Variants in LGR6 observed in about 807,000 individuals in gnomAD.
The protein encoded by LGR6 is leucine rich repeat containing G protein-coupled receptor 6, also known as leucine-rich repeat-containing G protein-coupled receptor 6.
In LGR6, 45 loss-of-function variants were observed where a neutral mutation model predicts 69.4. That is an observed-to-expected ratio of 0.65 (90% CI 0.51 to 0.83). The LOEUF is 0.83. Among genes scored for constraint, LGR6 ranks in the 40% least tolerant of loss-of-function variants. The pLI, the probability that LGR6 is intolerant of heterozygous loss-of-function variation, is 0.00. For synonymous variants in LGR6, 538 were observed against 555.0 expected, an observed-to-expected ratio of 0.97 and a Z score of 0.43; for missense variants, 1,108 against 1,246.7, an observed-to-expected ratio of 0.89 and a Z score of 1.68.
At chr1:202,255,467 G>A (rs1168992015) in intron 4 of LGR6, among the ~76,000 whole-genome samples, 1 of 152,162 alleles carries the variant, frequency 6.6e-6, no homozygotes, top group Non-Finnish European at 1.5e-5. Flanking sequence ...TCCACTGCCT[G>A]CTCCTCGTCT....
At position 202,318,668 on chromosome 1, in the gene LGR6, G is replaced by C. The variant is rs199906695; in HGVS notation, c.2365G>C (p.Val789Leu). The change falls in exon 18 of 18, where the codon GTG (valine) becomes CTG (leucine). Residue 789 changes from valine (V) to leucine (L), a missense_variant. Val to Leu is a conservative substitution (Grantham distance 32). Transcript: ENST00000367278. Reference sequence around the variant, plus strand: ...CGCAGACGGGCTCCTCTACTGTCCCGTGGCCTTCCTCAGCTTTGCCTCCAT... The same window carrying C: ...CGCAGACGGGCTCCTCTACTGTCCCCTGGCCTTCCTCAGCTTTGCCTCCAT... Reference protein sequence around the residue: ...IFADGLLYCPVAFLSFASMLG... With the variant: ...IFADGLLYCPLAFLSFASMLG... 1.2e-6 allele frequency: 2 copies of C among 1,613,594 alleles called. No individual in the cohort carries two copies. The highest frequency in any genetic ancestry group is 2.7e-5 in the African/African-American group (2 of 74,910).
At chr1:202,251,954 G>A (rs1441152324) in intron 4 of LGR6, among the ~76,000 whole-genome samples, 1 of 151,984 alleles carries the variant, frequency 6.6e-6, no homozygotes. Context: ...GAGATTGGAG[G>A]CAAACAAATA....
chr1:202,224,654 A>C lies in LGR6; in HGVS notation c.213-769A>C, dbSNP rs868695748. ...GGAGCATGCAACCTAGACCCCTCGC[A>C]TGCGCAGTTCACAGTAGGGTTCACA... On this transcript the variant is annotated intron_variant, in intron 1 of 17. Transcript: ENST00000367278. Among the ~76,000 whole-genome samples, 104 of 152,206 alleles carry C rather than the reference A, an allele frequency of 6.8e-4. 1 individual carries two copies. The highest frequency in any genetic ancestry group is 2.3e-3 in the African/African-American group (96 of 41,440).
In LGR6 at chr1:202,268,217, C is replaced by T. The variant is rs1377326362; in HGVS notation, c.429-8089C>T. Among the ~76,000 whole-genome samples the T allele has an allele frequency of 2.0e-5, 3 of 152,216 alleles. No individual in the cohort carries two copies. The highest frequency in any genetic ancestry group is 2.9e-5 in the Non-Finnish European group (2 of 68,030). ...ACAACCCCATTGGAGCCCCGTGGCC[C>T]TCCGTGCAGAAGCTGGCACCTGGCA... is the stretch of plus-strand genomic sequence containing the variant. On this transcript the variant is annotated intron_variant, in intron 4 of 17. Coordinates refer to ENST00000367278, the MANE Select transcript of LGR6 (RefSeq NM_001017403.2). The surrounding 1 kb of genome is among the most constrained non-coding windows in gnomAD (Gnocchi z 4.4).
chr1:202,252,351 G>GC (rs1174346831), intron 4 of LGR6, among the ~76,000 whole-genome samples: 2 of 152,098 alleles, frequency 1.3e-5, no homozygotes, highest in Non-Finnish European at 2.9e-5. Context: ...CCTCCAGGAA[G>GC]CCCCCCTAGA....
chr1:202,246,183 A>C (rs1353246683), intron 4 of LGR6, among the ~76,000 whole-genome samples: 3 of 11,348 alleles, frequency 2.6e-4, no homozygotes, highest in Admixed American at 1.1e-3. Context: ...CCATCCCTCC[A>C]CCCATCCATC....
intron 6 of LGR6, among the ~76,000 whole-genome samples, chr1:202,295,608 A>C (rs1023878475): frequency 6.6e-6 from 1 of 152,198 alleles, no homozygotes; most frequent in Non-Finnish European, 1.5e-5. Context: ...GGAACTCCAC[A>C]GTTTGAAAAT....
At chr1:202,293,306 C>T (rs1356283720) in intron 6 of LGR6, among the ~76,000 whole-genome samples, 1 of 152,224 alleles carries the variant, frequency 6.6e-6, no homozygotes, top group African/African-American at 2.4e-5. Flanking sequence ...CATGCTCTCT[C>T]TTCTTGATCC....
In LGR6 at chr1:202,318,241, C is replaced by T. The variant is rs116291971; in HGVS notation, c.1938C>T (p.Gly646=). The stretch of plus-strand genomic sequence containing the variant: ...CGGGGCTAGGCTGCCGGGCCACTGG[C>T]TTCCTGGCAGTACTTGGGTCGGAGG... ...WETGLGCRAT[G]FLAVLGSEAS... The change falls in exon 18 of 18, where the codon GGC becomes GGT. Residue 646 remains glycine (G), a synonymous_variant. Coordinates refer to ENST00000367278, the MANE Select transcript of LGR6 (RefSeq NM_001017403.2). The T allele has an allele frequency of 2.3e-4, 370 of 1,611,720 alleles. 1 individual carries two copies. The African/African-American group carries it at 3.8e-3, about 16-fold the overall frequency.
At position 202,318,827 on chromosome 1, in the gene LGR6, C is replaced by T. The variant is rs561588028; in HGVS notation, c.2524C>T (p.Arg842Trp). The change falls in exon 18 of 18, where the codon CGG becomes TGG. Residue 842 changes from arginine to tryptophan, a missense_variant. Arg to Trp is a moderately radical substitution (Grantham distance 101). Transcript: ENST00000367278. ...CTTCCGGGATGACCTTCGGCGGCTTCGGCCCCGCGCAGGGGACTCAGGGCC... is the reference window on the plus strand; with the variant it reads ...CTTCCGGGATGACCTTCGGCGGCTTTGGCCCCGCGCAGGGGACTCAGGGCC... ...PHFRDDLRRLRPRAGDSGPLA... is the reference protein window; with the variant it reads ...PHFRDDLRRLWPRAGDSGPLA... 738 of 1,613,102 alleles carry T rather than the reference C, an allele frequency of 4.6e-4. 11 individuals carry two copies. The South Asian group carries it at 7.1e-3, about 15-fold the overall frequency.
chr1:202,193,923 C>T lies in LGR6; in HGVS notation c.-67C>T. ...GCAGCCCGCCGGGACCGGGAGGAAG[C>T]AGCTGCGGCCATCGCGCCGTGCGTC... is the stretch of plus-strand genomic sequence containing the variant. On this transcript the variant is annotated 5_prime_UTR_variant, in exon 1 of 18. Transcript: ENST00000367278. 1.9e-6 allele frequency: 2 copies of T among 1,037,226 alleles called. No homozygotes were observed. Among genetic ancestry groups the T allele is most frequent in the South Asian group, 2.6e-5 (1 of 38,382 alleles). The allele number at this position is 1,037,226 out of a possible 1,614,324, so 64.3% of individuals were successfully genotyped here.
At chr1:202,288,188 C>T (rs1558064660) in intron 6 of LGR6, among the ~76,000 whole-genome samples, 3 of 152,188 alleles carry the variant, frequency 2.0e-5, no homozygotes, top group African/African-American at 7.2e-5. Flanking sequence ...CCATTATCCA[C>T]ATGGTTTACT....
At chr1:202,207,581 T>C (rs560525054) in intron 1 of LGR6, among the ~76,000 whole-genome samples, 13 of 152,142 alleles carry the variant, frequency 8.5e-5, no homozygotes, top group Non-Finnish European at 1.6e-4. Flanking sequence ...TCAGATCCTG[T>C]GTGTGTTGGC....
rs530331651 is a variant in LGR6, at chr1:202,318,468, C to T, written c.2165C>T (p.Pro722Leu). ...GASPLCLPYA[P>L]PEGQPAALGF... ...TCCCCACTCTGCCTGCCCTACGCGCCACCTGAGGGTCAGCCAGCAGCCCTG... is the reference window on the plus strand; with the variant it reads ...TCCCCACTCTGCCTGCCCTACGCGCTACCTGAGGGTCAGCCAGCAGCCCTG... Residue 722 changes from proline to leucine, a missense_variant, in exon 18 of 18, where the codon CCA (proline) becomes CTA (leucine). Physicochemically the swap from Pro to Leu is moderately conservative, Grantham distance 98 (BLOSUM62 -3). Transcript: ENST00000367278. 2.5e-6 allele frequency: 4 copies of T among 1,613,636 alleles called. No individual in the cohort carries two copies. Among genetic ancestry groups the T allele is most frequent in the South Asian group, 1.1e-5 (1 of 91,072 alleles).
rs781414983 is a variant in LGR6 at position 202,318,755 on chromosome 1, C to T, written c.2452C>T (p.Leu818=). ...VKSVLLVVLP[L]PACLNPLLYL... is the part of the protein sequence containing the mutation. Reference sequence around the variant, plus strand: ...GTCTGTCCTGCTGGTGGTGCTGCCCCTGCCTGCCTGCCTCAACCCACTGCT... The same window carrying T: ...GTCTGTCCTGCTGGTGGTGCTGCCCTTGCCTGCCTGCCTCAACCCACTGCT... Residue 818 remains leucine (L), a synonymous_variant, in exon 18 of 18, where the codon CTG becomes TTG. Transcript: ENST00000367278. The T allele has an allele frequency of 1.9e-6, 3 of 1,613,424 alleles. No individual in the cohort carries two copies. The highest frequency in any genetic ancestry group is 2.5e-6 in the Non-Finnish European group (3 of 1,179,982).
intron 4 of LGR6, among the ~76,000 whole-genome samples, chr1:202,249,167 T>C (rs1465218086): frequency 6.6e-6 from 1 of 152,180 alleles, no homozygotes; most frequent in Non-Finnish European, 1.5e-5. Context: ...CCATCAGTTC[T>C]TCATCTACAG....
intron 3 of LGR6, among the ~76,000 whole-genome samples, chr1:202,233,312 G>A (rs577735889): frequency 9.2e-5 from 14 of 152,276 alleles, no homozygotes; most frequent in African/African-American, 9.6e-5. Flanking sequence ...CTTGGAGCTC[G>A]GGACTCACTT....
chr1:202,260,578 G>A (rs1318147017), intron 4 of LGR6, among the ~76,000 whole-genome samples: 1 of 152,134 alleles, frequency 6.6e-6, no homozygotes, highest in Non-Finnish European at 1.5e-5. Flanking sequence ...CGCCTGTCTT[G>A]GCTTCCCAAA....
At chr1:202,197,438 T>C (rs557308440) in intron 1 of LGR6, 3 of 533,418 alleles carry the variant, frequency 5.6e-6, no homozygotes, top group South Asian at 4.2e-5. Context: ...CAGTTTCCTC[T>C]TAAACTATAG....
Sources: allele counts gnomAD v4.1 joint callset (sites outside exome capture counted in the v4.1 genomes callset), GRCh38; gene constraint gnomAD v4.1.1; non-coding constraint Gnocchi (gnomAD v3.1); transcripts MANE v1.5; gene names NCBI Gene and HGNC (gene_info 2026-07-23, HGNC 2026-07-21).